The following LRRK1 variants were observed in gnomAD, a reference collection of about 807,000 sequenced individuals.
LRRK1 encodes leucine rich repeat kinase 1, also known as leucine-rich repeat serine/threonine-protein kinase 1.
LRRK1 carries 113 observed loss-of-function variants against 209.1 expected under a neutral mutation model. The ratio of observed to expected loss-of-function variants is 0.54; its 90% confidence interval spans 0.46 to 0.63. The LOEUF (loss-of-function observed/expected upper bound fraction) is 0.63, where lower values mean the gene tolerates loss of function less well. Ranked by LOEUF, LRRK1 falls within the 30% of genes least tolerant of loss-of-function variation. The pLI is 0.00. For missense variants in LRRK1, 2,284 were observed against 2,632.2 expected (o/e 0.87, Z 2.89); for synonymous variants, 1,144 against 1,099.7 (o/e 1.04, Z -0.80).
chr15:100,950,888 G>T (rs190488470), intron 2 of LRRK1, among the ~76,000 whole-genome samples: 2 of 152,336 alleles, frequency 1.3e-5, no homozygotes, highest in African/African-American at 4.8e-5. Flanking sequence ...CAGATCACGA[G>T]GTCAGGAGAT....
chr15:100,934,149 T>G (rs929933370), intron 2 of LRRK1, among the ~76,000 whole-genome samples: 1 of 152,196 alleles, frequency 6.6e-6, no homozygotes, highest in Non-Finnish European at 1.5e-5. Context: ...AATAATTATA[T>G]GATTCAAAGC....
At position 100,988,753 on chromosome 15, in the gene LRRK1, G is replaced by C. The variant is rs919254235; in HGVS notation, c.553G>C (p.Val185Leu). The change falls in exon 5 of 34, where the codon GTC becomes CTC. Residue 185 changes from valine (V) to leucine (L), a missense_variant. This residue lies in a region of LRRK1 where 134 missense variants were observed against 191.7 expected (regional missense o/e 0.70). Transcript: ENST00000388948. Reference sequence around the variant, plus strand: ...CGGGGCTGACCCGGAGAGCTACGCTGTCAGGAAGAATGAGTTCCCTGTCAT... The same window carrying C: ...CGGGGCTGACCCGGAGAGCTACGCTCTCAGGAAGAATGAGTTCCCTGTCAT... ...THGADPESYAVRKNEFPVIVR... is the reference protein window; with the variant it reads ...THGADPESYALRKNEFPVIVR... 1 of 1,613,716 alleles carries C rather than the reference G, an allele frequency of 6.2e-7. No individual in the cohort carries two copies. The highest frequency in any genetic ancestry group is 1.1e-5 in the South Asian group (1 of 91,062).
chr15:100,941,410 C>CTTTGTGTGTGTGTGTGCCTGTA (rs2042420586), intron 2 of LRRK1, among the ~76,000 whole-genome samples: 10 of 14,478 alleles, frequency 6.9e-4, no homozygotes, highest in East Asian at 1.9e-3. Context: ...CTGTGTGTGT[C>CTTTGTGTGTGTGTGTGCCTGTA]TCTGTGTGTG....
chr15:101,042,730 G>A (rs2034828314), intron 20 of LRRK1, among the ~76,000 whole-genome samples: 2 of 152,318 alleles, frequency 1.3e-5, no homozygotes, highest in South Asian at 2.1e-4. Flanking sequence ...GGGTGCTCTT[G>A]TCGGGGGATT....
chr15:101,024,835 C>A lies in LRRK1; in HGVS notation c.2100C>A (p.Ile700=). The A allele has an allele frequency of 1.9e-6, 3 of 1,614,038 alleles. No individual in the cohort carries two copies. Among genetic ancestry groups the A allele is most frequent in the Non-Finnish European group, 2.5e-6 (3 of 1,179,922 alleles). The change falls in exon 16 of 34, where the codon ATC becomes ATA. Residue 700 remains isoleucine, a synonymous_variant. Transcript: ENST00000388948. This position sits in a 1 kb window ranked among gnomAD's most constrained non-coding sequence, Gnocchi z 4.6. ...VESVEFNVWD[I]GGPASMATVN... is the part of the protein sequence containing the mutation. ...CCGTGGAGTTCAACGTCTGGGACAT[C>A]GGGGGACCGGCCAGCATGGCCACTG...
In LRRK1 at chr15:101,049,497, A is replaced by G. The variant is rs1328737273; in HGVS notation, c.3300-147A>G. On this transcript the variant is annotated intron_variant, in intron 22 of 33. Coordinates refer to ENST00000388948, the MANE Select transcript of LRRK1 (RefSeq NM_024652.6). The stretch of plus-strand genomic sequence containing the variant: ...AAGGCAGGGCCACGCACACGTACAT[A>G]CAGGGAGGAGTCCCCCATCGGTCCT... 6 of 850,620 alleles carry G rather than the reference A, an allele frequency of 7.1e-6. No individual in the cohort carries two copies. The East Asian group carries it at 1.5e-4, about 22-fold the overall frequency. The allele number at this position is 850,620 out of a possible 1,614,324, so 52.7% of individuals were successfully genotyped here.
intron 2 of LRRK1, among the ~76,000 whole-genome samples, chr15:100,963,114 C>T (rs914652726): frequency 5.9e-5 from 9 of 151,748 alleles, no homozygotes; most frequent in African/African-American, 1.5e-4. Flanking sequence ...TGAGCCACCA[C>T]GCCCAGCCCA....
At chr15:100,959,738 C>G (rs2042837006) in intron 2 of LRRK1, among the ~76,000 whole-genome samples, 1 of 152,124 alleles carries the variant, frequency 6.6e-6, no homozygotes, top group Non-Finnish European at 1.5e-5. Flanking sequence ...GTGCCATTTT[C>G]TTTTACAAGA....
At chr15:101,057,390 C>T (rs1567277719) in intron 28 of LRRK1, among the ~76,000 whole-genome samples, 1 of 152,176 alleles carries the variant, frequency 6.6e-6, no homozygotes, top group Non-Finnish European at 1.5e-5. Context: ...GAAAAGGTTT[C>T]GTTGTGAGAA....
At chr15:101,020,545 T>C (rs897881180) in intron 12 of LRRK1, among the ~76,000 whole-genome samples, 1 of 151,946 alleles carries the variant, frequency 6.6e-6, no homozygotes, top group Non-Finnish European at 1.5e-5. Flanking sequence ...CTGGCTAATT[T>C]TTGTATCTTT....
intron 2 of LRRK1, among the ~76,000 whole-genome samples, chr15:100,960,932 C>G (rs8025101): frequency 6.6e-6 from 1 of 152,024 alleles, no homozygotes; most frequent in Admixed American, 6.5e-5. Context: ...CTCATGTTTT[C>G]GTTCCCACAT....
chr15:100,931,800 GACAGTGC>G lies in LRRK1; in HGVS notation c.97+7074_97+7080del, dbSNP rs965185873. 3.2e-4 allele frequency among the ~76,000 whole-genome samples: 49 copies of G among 152,198 alleles called. 2 individuals carry two copies. The highest frequency in any genetic ancestry group is 2.1e-4 in the South Asian group (1 of 4,822). On this transcript the variant is annotated intron_variant, in intron 2 of 33. Transcript: ENST00000388948. ...AGAAGCAAGCGAAGAACCGCTGCCT[GACAGTGC>G]ACTATGAGCATTCTCCTGGTGCCTG... is the stretch of plus-strand genomic sequence containing the variant.
chr15:101,017,533 C>T (rs1269491068), intron 12 of LRRK1, among the ~76,000 whole-genome samples: 1 of 152,160 alleles, frequency 6.6e-6, no homozygotes, highest in African/African-American at 2.4e-5. Context: ...GGCCAGTGAG[C>T]ATCAGCGCCA....
Position 101,027,908 on chromosome 15 carries a change from G to A in LRRK1, c.2686+111G>A, listed in dbSNP as rs1247900751. ...AATGAGAGACCGACACCCAGCCTGCGTTTCTGCCTTCCATCCCCCTCCCCT... is the reference window on the plus strand; with the variant it reads ...AATGAGAGACCGACACCCAGCCTGCATTTCTGCCTTCCATCCCCCTCCCCT... On this transcript the variant is annotated intron_variant, in intron 19 of 33. Coordinates refer to ENST00000388948, the MANE Select transcript of LRRK1 (RefSeq NM_024652.6). The surrounding 1 kb of genome is among the most constrained non-coding windows in gnomAD (Gnocchi z 5.1). 7 of 1,005,656 alleles carry A rather than the reference G, an allele frequency of 7.0e-6. No individual in the cohort carries two copies. Among genetic ancestry groups the A allele is most frequent in the South Asian group, 1.7e-5 (1 of 58,592 alleles). The allele number at this position is 1,005,656 out of a possible 1,614,324, so 62.3% of individuals were successfully genotyped here.
intron 2 of LRRK1, among the ~76,000 whole-genome samples, chr15:100,942,597 C>T (rs1215338590): frequency 6.6e-6 from 1 of 152,202 alleles, no homozygotes; most frequent in African/African-American, 2.4e-5. Context: ...CAAATCTAAT[C>T]ATCAAAATTA....
chr15:100,996,190 G>A (rs2032400691), intron 6 of LRRK1, among the ~76,000 whole-genome samples: 1 of 152,266 alleles, frequency 6.6e-6, no homozygotes, highest in African/African-American at 2.4e-5. Flanking sequence ...ATTTGGTGCA[G>A]AGGGTGTCAC....
chr15:101,036,473 C>T (rs546967250), intron 20 of LRRK1, among the ~76,000 whole-genome samples: 1 of 152,140 alleles, frequency 6.6e-6, no homozygotes, highest in African/African-American at 2.4e-5. Context: ...ATATTAATAT[C>T]TATCTCTTTG....
At chr15:101,045,363 G>A (rs1296261826) in intron 20 of LRRK1, among the ~76,000 whole-genome samples, 3 of 152,184 alleles carry the variant, frequency 2.0e-5, no homozygotes, top group Non-Finnish European at 2.9e-5. Context: ...CCTTTTGGAG[G>A]GACCTCCCAG....
chr15:100,971,762 T>C (rs1027119269), intron 2 of LRRK1, among the ~76,000 whole-genome samples: 6 of 152,180 alleles, frequency 3.9e-5, no homozygotes, highest in Non-Finnish European at 5.9e-5. Flanking sequence ...AACCCACTTC[T>C]GTTCGTCCTC....
Sources: gnomAD v4.1 joint callset for allele counts (sites outside exome capture counted in the v4.1 genomes callset) on GRCh38, gnomAD v4.1.1 for gene constraint, gnomAD v4.1.1 regional missense constraint, Gnocchi (gnomAD v3.1) non-coding constraint, MANE v1.5 for transcripts, NCBI Gene and HGNC (gene_info 2026-07-23, HGNC 2026-07-21) for gene names.